KCTD8: variants seen among roughly 807,000 people sequenced by gnomAD.
KCTD8 encodes the protein BTB/POZ domain-containing protein KCTD8.
Under a neutral mutation model 31.5 loss-of-function variants are expected in KCTD8, and 27 were observed. The observed-to-expected ratio is 0.86, with a 90% CI of 0.63 to 1.18. The LOEUF is 1.18. KCTD8 is among the 50% of genes most tolerant of loss of function. The probability of loss-of-function intolerance (pLI) is 0.00; values close to 1 mark genes in which losing one functional copy is unlikely to be tolerated. For synonymous variants in KCTD8, 290 were observed against 280.0 expected, an observed-to-expected ratio of 1.04 and a Z score of -0.36; for missense variants, 658 against 647.7, an observed-to-expected ratio of 1.02 and a Z score of -0.17.
At chr4:44,436,093 G>A (rs1051524065) in intron 1 of KCTD8, among the ~76,000 whole-genome samples, 2 of 152,040 alleles carry the variant, frequency 1.3e-5, no homozygotes, top group African/African-American at 2.4e-5. Flanking sequence ...TTACAATGGA[G>A]GGATTTGACT....
intron 1 of KCTD8, among the ~76,000 whole-genome samples, chr4:44,433,983 C>A (rs1166988488): frequency 6.6e-6 from 1 of 151,848 alleles, no homozygotes; most frequent in Non-Finnish European, 1.5e-5. Context: ...TGAAAATGCA[C>A]ATTCTGATAT....
chr4:44,197,193 C>T (rs2109337579), intron 1 of KCTD8, among the ~76,000 whole-genome samples: 1 of 152,104 alleles, frequency 6.6e-6, no homozygotes, highest in East Asian at 1.9e-4. Context: ...GGAGAGAAGG[C>T]CCCACTCTCA....
At chr4:44,201,705 T>A (rs1714156143) in intron 1 of KCTD8, among the ~76,000 whole-genome samples, 1 of 152,158 alleles carries the variant, frequency 6.6e-6, no homozygotes, top group African/African-American at 2.4e-5. Context: ...TCTTAGAAGA[T>A]AACCTAGGAA....
chr4:44,230,135 T>C lies in KCTD8; in HGVS notation c.962-54885A>G, dbSNP rs151150861. Among the ~76,000 whole-genome samples, 108 of 152,290 alleles carry C rather than the reference T, an allele frequency of 7.1e-4. 1 individual carries two copies. Among genetic ancestry groups the C allele is most frequent in the African/African-American group, 2.5e-3 (103 of 41,558 alleles). ...ATTCTTTCTTTTGAGGAGGCAAGAA[T>C]TGAGGTTGCTGCAGACCTGTACGGA... On this transcript the variant is annotated intron_variant, in intron 1 of 1. Transcript: ENST00000360029.
intron 1 of KCTD8, among the ~76,000 whole-genome samples, chr4:44,383,236 A>G (rs528098579): frequency 1.3e-5 from 2 of 152,116 alleles, no homozygotes; most frequent in South Asian, 4.1e-4. Context: ...TAAAATGATC[A>G]TACTACTCAA....
chr4:44,268,046 A>G (rs997481907), intron 1 of KCTD8, among the ~76,000 whole-genome samples: 4 of 152,156 alleles, frequency 2.6e-5, no homozygotes, highest in Admixed American at 6.6e-5. Flanking sequence ...CATTTTATGA[A>G]GCCAGCATCA....
intron 1 of KCTD8, among the ~76,000 whole-genome samples, chr4:44,371,828 A>T (rs1385654054): frequency 6.6e-6 from 1 of 152,138 alleles, no homozygotes; most frequent in African/African-American, 2.4e-5. Flanking sequence ...TAGGTATCCA[A>T]AAGCATATAT....
At chr4:44,346,198 A>G (rs1719032888) in intron 1 of KCTD8, among the ~76,000 whole-genome samples, 1 of 152,140 alleles carries the variant, frequency 6.6e-6, no homozygotes, top group Non-Finnish European at 1.5e-5. Context: ...GTACATTTCT[A>G]TATCTCGAAG....
chr4:44,264,568 C>T (rs929031785), intron 1 of KCTD8, among the ~76,000 whole-genome samples: 20 of 152,264 alleles, frequency 1.3e-4, no homozygotes, highest in African/African-American at 3.6e-4. Flanking sequence ...GTGTGTGAGC[C>T]GAAGCAAGGC....
chr4:44,367,127 T>C (rs180926901), intron 1 of KCTD8, among the ~76,000 whole-genome samples: 15 of 152,172 alleles, frequency 9.9e-5, no homozygotes, highest in Non-Finnish European at 1.9e-4. Context: ...TGTTCCTTCT[T>C]CCTCTTCCAC....
At chr4:44,372,110 G>A (rs1719803553) in intron 1 of KCTD8, among the ~76,000 whole-genome samples, 1 of 152,046 alleles carries the variant, frequency 6.6e-6, no homozygotes, top group Non-Finnish European at 1.5e-5. Context: ...TATTTTCATG[G>A]TATAATTATT....
rs140732314 is a variant in KCTD8 at position 44,383,946 on chromosome 4, A to G, written c.961+63617T>C. On this transcript the variant is annotated intron_variant, in intron 1 of 1. Coordinates refer to ENST00000360029, the MANE Select transcript of KCTD8 (RefSeq NM_198353.3). ...TCAACAAGAAACTAATAACTAAAAT[A>G]TACACAGAATTCAACTCAACAGCAA... 7.9e-5 allele frequency among the ~76,000 whole-genome samples: 12 copies of G among 152,110 alleles called. No individual in the cohort carries two copies. In the East Asian group the frequency reaches 2.3e-3, roughly 29 times the overall value.
chr4:44,180,582 T>TGCACACAC lies in KCTD8; in HGVS notation c.962-5333_962-5332insGTGTGTGC, dbSNP rs200270284. 3.1e-3 allele frequency among the ~76,000 whole-genome samples: 448 copies of TGCACACAC among 145,250 alleles called. 5 individuals are homozygous for TGCACACAC. Among genetic ancestry groups the TGCACACAC allele is most frequent in the African/African-American group, 0.011 (431 of 38,844 alleles). ...ATTTTTGAAGAACAGTCAGTATACA[T>TGCACACAC]ACATGCACACACACACACACACACA... On this transcript the variant is annotated intron_variant, in intron 1 of 1. Coordinates refer to ENST00000360029, the MANE Select transcript of KCTD8 (RefSeq NM_198353.3).
chr4:44,375,278 T>C (rs529778613), intron 1 of KCTD8, among the ~76,000 whole-genome samples: 2 of 152,124 alleles, frequency 1.3e-5, no homozygotes, highest in South Asian at 4.1e-4. Context: ...CTCCAGAAAG[T>C]ATCTGAGGCA....
intron 1 of KCTD8, among the ~76,000 whole-genome samples, chr4:44,309,143 C>T (rs553193330): frequency 6.6e-6 from 1 of 152,072 alleles, no homozygotes; most frequent in Non-Finnish European, 1.5e-5. Flanking sequence ...TCAAGCAGTT[C>T]TCATGCCTCA....
In KCTD8 at chr4:44,431,136, C is replaced by T. The variant is rs1456608865; in HGVS notation, c.961+16427G>A. Reference sequence around the variant, plus strand: ...TAAGCAACCACTGACAAAGTTAATCCCCCTTAATTTTTAAAATTTGTTTTA... The same window carrying T: ...TAAGCAACCACTGACAAAGTTAATCTCCCTTAATTTTTAAAATTTGTTTTA... On this transcript the variant is annotated intron_variant, in intron 1 of 1. Coordinates refer to ENST00000360029, the MANE Select transcript of KCTD8 (RefSeq NM_198353.3). Among the ~76,000 whole-genome samples, 8 of 151,412 alleles carry T rather than the reference C, an allele frequency of 5.3e-5. No individual in the cohort carries two copies. The South Asian group carries it at 6.2e-4, about 12-fold the overall frequency.
intron 1 of KCTD8, among the ~76,000 whole-genome samples, chr4:44,300,242 A>G (rs1031598620): frequency 4.6e-5 from 7 of 152,196 alleles, no homozygotes; most frequent in African/African-American, 1.7e-4. Context: ...TCAGAGGCAC[A>G]GCTTCTATTT....
intron 1 of KCTD8, among the ~76,000 whole-genome samples, chr4:44,296,478 A>G (rs1432273912): frequency 6.6e-6 from 1 of 152,162 alleles, no homozygotes; most frequent in African/African-American, 2.4e-5. Context: ...AATAATTTAT[A>G]ATGTTATTCT....
At chr4:44,180,619 A>T (rs1044733972) in intron 1 of KCTD8, among the ~76,000 whole-genome samples, 1 of 149,496 alleles carries the variant, frequency 6.7e-6, no homozygotes, top group Non-Finnish European at 1.5e-5. Flanking sequence ...ACACACACAC[A>T]CTTAGATGCA....
Sources: gnomAD v4.1 joint callset for allele counts (sites outside exome capture counted in the v4.1 genomes callset) on GRCh38, gnomAD v4.1.1 for gene constraint, MANE v1.5 for transcripts, NCBI Gene and HGNC (gene_info 2026-07-23, HGNC 2026-07-21) for gene names.